SETD2: variants seen among roughly 807,000 people sequenced by gnomAD.
SETD2 encodes the protein SET domain containing 2, histone lysine methyltransferase, also known as histone-lysine N-methyltransferase SETD2.
A neutral mutation model predicts 242.1 loss-of-function variants in SETD2; 31 were observed. The ratio of observed to expected loss-of-function variants is 0.13; its 90% CI spans 0.10 to 0.17. The LOEUF (loss-of-function observed/expected upper bound fraction) is 0.17. SETD2 is among the 10% of genes least tolerant of loss of function. The pLI, the probability that SETD2 is intolerant of heterozygous loss-of-function variation, is 1.00. For synonymous variants in SETD2, 1,006 were observed against 1,066.5 expected, an observed-to-expected ratio of 0.94 and a Z score of 1.11; for missense variants, 2,481 against 3,046.3, an observed-to-expected ratio of 0.81 and a Z score of 4.37.
chr3:47,104,841 C>T (rs1373896520), intron 6 of SETD2, among the ~76,000 whole-genome samples: 1 of 152,196 alleles, frequency 6.6e-6, no homozygotes, highest in African/African-American at 2.4e-5. Context: ...GGAGGCCAAT[C>T]TGGGCCAACA....
intron 1 of SETD2, among the ~76,000 whole-genome samples, chr3:47,160,377 C>T (rs1415615200): frequency 6.6e-6 from 1 of 152,034 alleles, no homozygotes; most frequent in Non-Finnish European, 1.5e-5. Flanking sequence ...TCTCAGCTCA[C>T]GGCAACCTCC....
intron 1 of SETD2, among the ~76,000 whole-genome samples, chr3:47,133,137 C>G (rs1426269459): frequency 2.0e-5 from 3 of 151,778 alleles, no homozygotes; most frequent in Non-Finnish European, 2.9e-5. Flanking sequence ...CAAAGAATGA[C>G]AAAACAAATG....
intron 5 of SETD2, among the ~76,000 whole-genome samples, chr3:47,107,655 T>C (rs1283521024): frequency 6.7e-6 from 1 of 148,204 alleles, no homozygotes; most frequent in Non-Finnish European, 1.5e-5. Flanking sequence ...GGTCCTACAA[T>C]GTTGGACTCT....
At chr3:47,029,913 T>G (rs1021599796) in intron 18 of SETD2, among the ~76,000 whole-genome samples, 2 of 152,190 alleles carry the variant, frequency 1.3e-5, no homozygotes, top group Non-Finnish European at 2.9e-5. Flanking sequence ...CCCAGCACTT[T>G]GGGAAGCCCA....
chr3:47,112,906 T>C (rs2042715465), intron 5 of SETD2, among the ~76,000 whole-genome samples: 1 of 152,132 alleles, frequency 6.6e-6, no homozygotes, highest in Non-Finnish European at 1.5e-5. Context: ...ACTTTAAATA[T>C]GCTATATATA....
At chr3:47,102,386 A>G (rs1355526411) in intron 7 of SETD2, among the ~76,000 whole-genome samples, 4 of 152,192 alleles carry the variant, frequency 2.6e-5, no homozygotes, top group African/African-American at 9.6e-5. Flanking sequence ...AAAATCTATT[A>G]GTGTATAGTT....
intron 1 of SETD2, among the ~76,000 whole-genome samples, chr3:47,161,941 G>C (rs535098445): frequency 3.0e-4 from 45 of 149,914 alleles, no homozygotes; most frequent in African/African-American, 1.1e-3. Flanking sequence ...AAATACACGA[G>C]AATTTAAAAA....
Position 47,016,667 on chromosome 3 carries a change from G to A in SETD2, c.*426C>T, listed in dbSNP as rs1299955345. On this transcript the variant is annotated 3_prime_UTR_variant, in exon 21 of 21. Coordinates refer to ENST00000409792, the MANE Select transcript of SETD2 (RefSeq NM_014159.7). ...AGCATGTAGAGGCTAAAAGCAAAAC[G>A]AAAACCAAACAAAAACCAGGAAAAA... 13 of 236,168 alleles carry A rather than the reference G, an allele frequency of 5.5e-5. No homozygotes were observed. The allele number at this position is 236,168 out of a possible 1,614,324, so 14.6% of individuals were successfully genotyped here.
intron 15 of SETD2, among the ~76,000 whole-genome samples, chr3:47,052,822 TA>T (rs959118597): frequency 1.3e-5 from 2 of 150,656 alleles, no homozygotes; most frequent in Admixed American, 6.6e-5. Flanking sequence ...TCTCCAAAAA[TA>T]AAAAAAAATT....
chr3:47,099,166 ATTGCCAGAAGTCTGGTAACTGTCAC>A (rs577374828), intron 8 of SETD2, among the ~76,000 whole-genome samples: 237 of 152,318 alleles, frequency 1.6e-3, no homozygotes, highest in Admixed American at 4.6e-3. Flanking sequence ...AAAGACCTTC[ATTGCCAGAAGTCTGGTAACTGTCAC>A]CAGACTGAAC....
intron 15 of SETD2, among the ~76,000 whole-genome samples, chr3:47,052,097 TTTG>T (rs2039871630): frequency 6.6e-6 from 1 of 152,164 alleles, no homozygotes; most frequent in Non-Finnish European, 1.5e-5. Context: ...GATATACACG[TTTG>T]TTGACACATG....
intron 3 of SETD2, 49 bp downstream of exon 3, chr3:47,120,133 C>T (rs1486709537): frequency 7.2e-7 from 1 of 1,391,492 alleles, no homozygotes; most frequent in Non-Finnish European, 9.7e-7. Context: ...CTTTTTCTAA[C>T]AACAAAAAAA....
At chr3:47,049,848 T>TA (rs2039736387) in intron 15 of SETD2, among the ~76,000 whole-genome samples, 3 of 145,682 alleles carry the variant, frequency 2.1e-5, no homozygotes, top group Non-Finnish European at 4.5e-5. Context: ...GAGTTTATAT[T>TA]ATATATAATA....
At position 47,116,716 on chromosome 3, in the gene SETD2, T is replaced by C. The variant is rs775304721; in HGVS notation, c.4493A>G (p.Gln1498Arg). Residue 1498 changes from glutamine (Q) to arginine (R), a missense_variant, in exon 4 of 21, where the codon CAG (glutamine) becomes CGG (arginine). By Grantham distance (43) the Gln-to-Arg change is conservative. Transcript: ENST00000409792. ...TTTAGAAAGAGGTGTACACTCACACTGCATTCGCTTAATATCTCGATGAGA... is the reference window on the plus strand; with the variant it reads ...TTTAGAAAGAGGTGTACACTCACACCGCATTCGCTTAATATCTCGATGAGA... ...NKSHRDIKRM[Q>R]CECTPLSKDE... 1 of 1,606,986 alleles carries C rather than the reference T, an allele frequency of 6.2e-7. No homozygotes were observed. The highest frequency in any genetic ancestry group is 8.5e-7 in the Non-Finnish European group (1 of 1,173,972).
intron 4 of SETD2, among the ~76,000 whole-genome samples, chr3:47,114,672 A>T (rs750301631): frequency 6.6e-6 from 1 of 152,282 alleles, no homozygotes; most frequent in South Asian, 2.1e-4. Flanking sequence ...TGAGGTCAGG[A>T]ATTCAAGACC....
At chr3:47,037,547 T>A in intron 18 of SETD2, 119 bp downstream of exon 18, 1 of 701,838 alleles carries the variant, frequency 1.4e-6, no homozygotes, top group South Asian at 1.6e-5. Flanking sequence ...TACACCTTGA[T>A]ACATGCATAG....
In SETD2 at chr3:47,088,324, C is replaced by T; in HGVS notation, c.5143-77G>A. The T allele has an allele frequency of 4.2e-6, 6 of 1,425,636 alleles. No homozygotes were observed. In the South Asian group the frequency reaches 6.5e-5, roughly 15 times the overall value. The allele number at this position is 1,425,636 out of a possible 1,614,324, so 88.3% of individuals were successfully genotyped here. ...AAAACCAAAAACCCAAAAAGTTGCT[C>T]AACCTTATCAATTATCAGGAAAACA... is the stretch of plus-strand genomic sequence containing the variant. On this transcript the variant is annotated intron_variant, in intron 9 of 20. Coordinates refer to ENST00000409792, the MANE Select transcript of SETD2 (RefSeq NM_014159.7).
intron 1 of SETD2, among the ~76,000 whole-genome samples, chr3:47,128,795 G>A (rs1006506416): frequency 3.3e-5 from 5 of 152,094 alleles, no homozygotes; most frequent in South Asian, 2.1e-4. Context: ...TTTTTTTCAC[G>A]TCTCAACGTT....
chr3:47,032,636 G>T (rs1027211228), intron 18 of SETD2, among the ~76,000 whole-genome samples: 2 of 151,954 alleles, frequency 1.3e-5, no homozygotes, highest in African/African-American at 4.8e-5. Context: ...ATAAAGCTGG[G>T]CACGGTGGCT....
Sources: gnomAD v4.1 joint callset for allele counts (sites outside exome capture counted in the v4.1 genomes callset) on GRCh38, gnomAD v4.1.1 for gene constraint, MANE v1.5 for transcripts, NCBI Gene and HGNC (gene_info 2026-07-23, HGNC 2026-07-21) for gene names.